The following LARP1B variants were observed in gnomAD, a reference collection of about 807,000 sequenced individuals.
The protein encoded by LARP1B is la-related protein 1B.
Under a neutral mutation model 114.2 loss-of-function variants are expected in LARP1B, and 76 were observed. That is an observed-to-expected ratio of 0.67 (90% confidence interval 0.55 to 0.81). The LOEUF is 0.81. Ranked by LOEUF, LARP1B falls within the 30% of genes least tolerant of loss-of-function variation. The pLI is 0.00. For missense variants in LARP1B, 1,014 were observed against 1,075.8 expected (o/e 0.94, Z 0.80); for synonymous variants, 345 against 348.0 (o/e 0.99, Z 0.10).
intron 11 of LARP1B, among the ~76,000 whole-genome samples, chr4:128,135,614 G>T (rs1316262475): frequency 6.6e-6 from 1 of 152,186 alleles, no homozygotes; most frequent in Non-Finnish European, 1.5e-5. Flanking sequence ...AAATATTGCT[G>T]CAACACGGAT....
chr4:128,096,138 C>T (rs6534663), intron 7 of LARP1B, among the ~76,000 whole-genome samples: 92,641 of 151,726 alleles, frequency 0.61, 29,209 homozygotes, highest in Middle Eastern at 0.8. Flanking sequence ...GCACTACAGG[C>T]GCCCGCCACC....
chr4:128,206,779 C>T, intron 18 of LARP1B: 1 of 985,122 alleles, frequency 1.0e-6, no homozygotes, highest in Non-Finnish European at 1.2e-6. Context: ...GTCATTATCC[C>T]TTTGACAAAC....
intron 5 of LARP1B, among the ~76,000 whole-genome samples, chr4:128,090,490 G>C (rs979602863): frequency 2.0e-5 from 3 of 152,136 alleles, no homozygotes; most frequent in African/African-American, 7.2e-5. Flanking sequence ...GTCTGTGTGT[G>C]TTGCATGAGA....
intron 13 of LARP1B, 94 bp from the exon 14 acceptor site, chr4:128,178,337 C>G: frequency 3.6e-6 from 3 of 836,548 alleles, no homozygotes; most frequent in Non-Finnish European, 5.6e-6. Flanking sequence ...AGTGAAAAAT[C>G]CTTTGAGCTT....
At chr4:128,209,627 G>A (rs992852256) in intron 19 of LARP1B, among the ~76,000 whole-genome samples, 1 of 151,692 alleles carries the variant, frequency 6.6e-6, no homozygotes, top group African/African-American at 2.4e-5. Context: ...AATCTGTGAG[G>A]CGGAAGAATG....
At chr4:128,109,116 A>G (rs1035452955) in intron 9 of LARP1B, among the ~76,000 whole-genome samples, 5 of 152,148 alleles carry the variant, frequency 3.3e-5, no homozygotes, top group Non-Finnish European at 7.4e-5. Context: ...TATGTAAATC[A>G]CCTCTTTCCA....
intron 10 of LARP1B, among the ~76,000 whole-genome samples, chr4:128,115,426 A>G (rs990481150): frequency 2.2e-4 from 34 of 152,116 alleles, no homozygotes; most frequent in African/African-American, 7.5e-4. Context: ...AGCTAATGCT[A>G]ATTTTTTGGT....
intron 15 of LARP1B, among the ~76,000 whole-genome samples, chr4:128,185,628 C>T (rs1215486528): frequency 6.7e-6 from 1 of 150,290 alleles, no homozygotes; most frequent in East Asian, 2.0e-4. Context: ...TTCTCCTATT[C>T]TGTAGGTTGT....
chr4:128,161,181 C>T (rs1184169038), intron 11 of LARP1B, among the ~76,000 whole-genome samples: 1 of 152,156 alleles, frequency 6.6e-6, no homozygotes, highest in African/African-American at 2.4e-5. Context: ...TTAGGCCAGA[C>T]ATAGAGGGTC....
chr4:128,209,723 A>G (rs62336171), intron 19 of LARP1B, 133 bp from the exon 20 acceptor site: 247,844 of 490,110 alleles, frequency 0.51, 21,688 homozygotes, highest in Admixed American at 0.55. Flanking sequence ...ACTCCATCAA[A>G]AAAAAAAAAA....
At position 128,107,474 on chromosome 4, in the gene LARP1B, A is replaced by G. The variant is rs1289795616; in HGVS notation, c.988+161A>G. 2.1e-6 allele frequency: 3 copies of G among 1,447,862 alleles called. No homozygotes were observed. The African/African-American group carries it at 4.3e-5, about 21-fold the overall frequency. The allele number at this position is 1,447,862 out of a possible 1,614,324, so 89.7% of individuals were successfully genotyped here. A position where few individuals can be genotyped will look rare whatever the true frequency, so the allele number is the denominator to read the frequency against. On this transcript the variant is annotated intron_variant, in intron 9 of 19. Transcript: ENST00000326639. ...TTTGTATTCATATTGCCTCACTCACAGAGTTACAAATTAAATAAGGATTTA... is the reference window on the plus strand; with the variant it reads ...TTTGTATTCATATTGCCTCACTCACGGAGTTACAAATTAAATAAGGATTTA...
intron 1 of LARP1B, 168 bp downstream of exon 1, chr4:128,061,569 C>CGT: frequency 1.6e-6 from 1 of 615,842 alleles, no homozygotes; most frequent in Non-Finnish European, 2.0e-6. Context: ...GCGGCGGCCA[C>CGT]GGCCGCCGGG....
rs199684543 is a variant in LARP1B at position 128,176,831 on chromosome 4, C to G, written c.1649-41C>G. 2.9e-4 allele frequency: 464 copies of G among 1,578,022 alleles called. No homozygotes were observed. In the African/African-American group the frequency reaches 5.6e-3, roughly 19 times the overall value. ...AATGAAACAATAAATGGATAAAATG[C>G]AGACACAGCACAAAAAGGGACTAAT... On this transcript the variant is annotated intron_variant, in intron 12 of 19. Coordinates refer to ENST00000326639, the MANE Select transcript of LARP1B (RefSeq NM_018078.4).
At chr4:128,065,317 CT>C (rs1561012354) in intron 1 of LARP1B, among the ~76,000 whole-genome samples, 3,138 of 76,324 alleles carry the variant, frequency 0.041, 156 homozygotes, top group Non-Finnish European at 0.061. Flanking sequence ...TTCTTTCTTT[CT>C]CTCTCTCTCT....
chr4:128,107,740 C>T (rs1782602198), intron 9 of LARP1B: 2 of 1,475,404 alleles, frequency 1.4e-6, no homozygotes, highest in East Asian at 4.9e-5. Context: ...GATAAAATGA[C>T]CTGCATTCTA....
intron 5 of LARP1B, among the ~76,000 whole-genome samples, chr4:128,084,047 C>T (rs955389579): frequency 9.2e-5 from 14 of 152,030 alleles, no homozygotes; most frequent in African/African-American, 2.9e-4. Context: ...CAGAGACGCT[C>T]CTCACTTCCC....
intron 4 of LARP1B, among the ~76,000 whole-genome samples, chr4:128,080,869 A>G (rs1770060714): frequency 6.6e-6 from 1 of 152,038 alleles, no homozygotes; most frequent in Non-Finnish European, 1.5e-5. Flanking sequence ...AACCTCATTC[A>G]TTTGTAAAAA....
At chr4:128,149,599 C>T (rs1239111894) in intron 11 of LARP1B, among the ~76,000 whole-genome samples, 2 of 152,116 alleles carry the variant, frequency 1.3e-5, no homozygotes, top group Non-Finnish European at 2.9e-5. Context: ...GGGACATTAG[C>T]AAGGAAAACC....
chr4:128,080,101 C>T (rs1769706599), intron 4 of LARP1B, among the ~76,000 whole-genome samples: 1 of 151,814 alleles, frequency 6.6e-6, no homozygotes, highest in African/African-American at 2.4e-5. Context: ...TCTCCTGCCT[C>T]AGCCTCCCAA....
Sources: gnomAD v4.1 joint callset for allele counts (sites outside exome capture counted in the v4.1 genomes callset) on GRCh38, gnomAD v4.1.1 for gene constraint, MANE v1.5 for transcripts, NCBI Gene and HGNC (gene_info 2026-07-23, HGNC 2026-07-21) for gene names.